The following MALAT1 variants were observed in gnomAD, a reference collection of about 807,000 sequenced individuals.
MALAT1 encodes the protein hepcarcin.
intron 1 of MALAT1, chr11:65,498,222 G>A (rs769050553): frequency 3.9e-6 from 2 of 518,734 alleles, no homozygotes; most frequent in African/African-American, 1.9e-5. Context: ...TCGCTTAGTT[G>A]GTCTACTTTA....
intron 3 of MALAT1, chr11:65,504,519 T>G (rs1167088222): frequency 5.8e-6 from 3 of 518,724 alleles, no homozygotes; most frequent in Admixed American, 3.9e-5. Context: ...AAAGGCTGAG[T>G]GTTGAGGAAA....
exon 3 of MALAT1, chr11:65,503,539 T>C (rs754638929): frequency 1.3e-5 from 7 of 518,586 alleles, no homozygotes; most frequent in South Asian, 1.4e-5. Flanking sequence ...TAGAATCAGA[T>C]GTTACTGCTA....
At chr11:65,506,491 T>C (rs1590709072), downstream of MALAT1, 1 of 279,156 alleles carries the variant, frequency 3.6e-6, no homozygotes, top group East Asian at 1.1e-4. Flanking sequence ...CTTTTGTGAA[T>C]AAAAAAATCT....
chr11:65,498,726 C>T (rs1338358148), exon 2 of MALAT1: 1 of 518,660 alleles, frequency 1.9e-6, no homozygotes, highest in Non-Finnish European at 3.8e-6. Flanking sequence ...ACAAGAAGTG[C>T]TTTAAGAGGT....
At chr11:65,505,808 A>G (rs1352917680) in intron 3 of MALAT1, 1 of 507,392 alleles carries the variant, frequency 2.0e-6, no homozygotes. Context: ...ACCAACTTAA[A>G]CCAGTAAGTG....
intron 3 of MALAT1, chr11:65,504,526 GA>G (rs1854633142): frequency 1.9e-6 from 1 of 518,860 alleles, no homozygotes; most frequent in African/African-American, 1.9e-5. Context: ...GAGTGTTGAG[GA>G]AATTTCTGCA....
intron 3 of MALAT1, chr11:65,505,462 A>AGG: frequency 1.9e-6 from 1 of 512,972 alleles, no homozygotes; most frequent in Non-Finnish European, 3.9e-6. Flanking sequence ...CGGTGCTTGA[A>AGG]GGGGAGGGAA....
exon 3 of MALAT1, chr11:65,499,056 C>T (rs370738365): frequency 4.1e-5 from 21 of 517,766 alleles, no homozygotes; most frequent in Non-Finnish European, 6.2e-5. Flanking sequence ...GGCATTGAGG[C>T]AGCCAGCGCA....
chr11:65,498,765 G>A (rs772400192), intron 2 of MALAT1: 2 of 518,922 alleles, frequency 3.9e-6, no homozygotes, highest in African/African-American at 1.9e-5. Flanking sequence ...GTTTTGTGAG[G>A]TGTTTGATGA....
At chr11:65,504,268 T>C (rs1207569297) in intron 3 of MALAT1, 7 of 516,214 alleles carry the variant, frequency 1.4e-5, no homozygotes, top group Non-Finnish European at 2.3e-5. Context: ...TCCTGGAATT[T>C]GGAGGGATGG....
exon 3 of MALAT1, chr11:65,499,394 G>A (rs1447834843): frequency 2.0e-6 from 1 of 488,010 alleles, no homozygotes; most frequent in Non-Finnish European, 4.1e-6. Context: ...AATACCAATA[G>A]AAGGGCAATG....
At chr11:65,504,832 G>A (rs750272985) in intron 3 of MALAT1, 3 of 518,862 alleles carry the variant, frequency 5.8e-6, no homozygotes, top group African/African-American at 3.8e-5. Flanking sequence ...ACACTCAGCA[G>A]ACACACGTAT....
chr11:65,499,699 G>A (rs766012429), exon 3 of MALAT1: 138 of 433,540 alleles, frequency 3.2e-4, no homozygotes, highest in Non-Finnish European at 5.6e-4. Flanking sequence ...GCGAAGAAAA[G>A]AATAGAGAAG....
At chr11:65,503,640 A>G (rs752338808) in exon 3 of MALAT1, 1 of 511,918 alleles carries the variant, frequency 2.0e-6, no homozygotes, top group South Asian at 1.4e-5. Context: ...ATACTTTTAG[A>G]AAGCTGTCTC....
chr11:65,505,869 G>A (rs1565057705), intron 3 of MALAT1: 2 of 454,896 alleles, frequency 4.4e-6, no homozygotes, highest in Non-Finnish European at 4.4e-6. Flanking sequence ...CATGTAACTT[G>A]TAGACTGGAG....
At chr11:65,504,575 A>AT in intron 3 of MALAT1, 1 of 518,812 alleles carries the variant, frequency 1.9e-6, no homozygotes, top group Non-Finnish European at 3.8e-6. Context: ...AGCTGAGTAC[A>AT]TTTTGCTGGT....
chr11:65,497,986 G>A, intron 1 of MALAT1: 1 of 518,956 alleles, frequency 1.9e-6, no homozygotes, highest in Non-Finnish European at 3.8e-6. Flanking sequence ...GTGGTATTTA[G>A]ATAAAACCAC....
exon 3 of MALAT1, chr11:65,500,341 T>A (rs754696000): frequency 1.9e-6 from 1 of 518,450 alleles, no homozygotes; most frequent in Non-Finnish European, 3.9e-6. Flanking sequence ...GCATTGGACT[T>A]TGAGTTAAGA....
intron 1 of MALAT1, chr11:65,497,892 GCCC>G (rs1446748605): frequency 7.7e-6 from 4 of 518,578 alleles, no homozygotes; most frequent in Non-Finnish European, 1.2e-5. Context: ...GCCTCCGGGA[GCCC>G]AGGTTTCCCA....
Sources: allele counts gnomAD v4.1 joint callset, GRCh38; gene constraint gnomAD v4.1.1; transcripts MANE v1.5; gene names NCBI Gene and HGNC (gene_info 2026-07-23, HGNC 2026-07-21).